The following PRPF6 variants were observed in gnomAD, a reference collection of about 807,000 sequenced individuals.
The protein encoded by PRPF6 is pre-mRNA processing factor 6.
Under a neutral mutation model 118.3 loss-of-function variants are expected in PRPF6, and 42 were observed. That is an observed-to-expected ratio of 0.35 (90% CI 0.28 to 0.46). The LOEUF is 0.46. Among genes scored for constraint, PRPF6 ranks in the 20% least tolerant of loss-of-function variants. The probability of loss-of-function intolerance (pLI) is 1.00; values close to 1 mark genes in which losing one functional copy is unlikely to be tolerated. For missense variants in PRPF6, 662 were observed against 1,255.7 expected (o/e 0.53, Z 7.15); for synonymous variants, 481 against 485.1 (o/e 0.99, Z 0.11).
intron 9 of PRPF6, among the ~76,000 whole-genome samples, chr20:64,001,864 A>G (rs1212199558): frequency 6.6e-6 from 1 of 152,148 alleles, no homozygotes; most frequent in Admixed American, 6.5e-5. Flanking sequence ...CTGTGGATTC[A>G]TAAAAGGAGC....
chr20:63,992,724 T>A (rs1421317242), intron 3 of PRPF6, among the ~76,000 whole-genome samples: 1 of 151,986 alleles, frequency 6.6e-6, no homozygotes, highest in Non-Finnish European at 1.5e-5. Flanking sequence ...TTAGTAGACT[T>A]ACGAATGTAT....
chr20:63,985,175 G>T, intron 3 of PRPF6, 150 bp downstream of exon 3: 2 of 619,164 alleles, frequency 3.2e-6, no homozygotes, highest in Admixed American at 2.4e-5. Flanking sequence ...ACCAGTGTGG[G>T]CAACGTAGGG....
rs368284719 is a variant in PRPF6, at chr20:64,024,923, C to T, written c.1908+230C>T. Among the ~76,000 whole-genome samples the T allele has an allele frequency of 2.5e-4, 38 of 152,172 alleles. No individual in the cohort carries two copies. The South Asian group carries it at 6.6e-3, about 27-fold the overall frequency. On this transcript the variant is annotated intron_variant, in intron 14 of 20. Coordinates refer to ENST00000266079, the MANE Select transcript of PRPF6 (RefSeq NM_012469.4). ...TCGGTCCCCCCACTCAGTGTGACCA[C>T]GGGTAAATGTTTCAGAACATGGAAC...
rs996695934 is a variant in PRPF6, at chr20:64,029,806, G to A, written c.2546+315G>A. 6.8e-5 allele frequency among the ~76,000 whole-genome samples: 10 copies of A among 146,052 alleles called. No individual in the cohort carries two copies. Among genetic ancestry groups the A allele is most frequent in the African/African-American group, 2.2e-4 (9 of 40,652 alleles). ...CTGGCCGCCAGGTCAGAGACTCACCGGGGACGCATGTGATTCACACTGGTG... is the reference window on the plus strand; with the variant it reads ...CTGGCCGCCAGGTCAGAGACTCACCAGGGACGCATGTGATTCACACTGGTG... On this transcript the variant is annotated intron_variant, in intron 19 of 20. Transcript: ENST00000266079. This position sits in a 1 kb window ranked among gnomAD's most constrained non-coding sequence, Gnocchi z 4.8.
chr20:64,027,868 C>A lies in PRPF6; in HGVS notation c.2339+132C>A. 1 of 1,333,514 alleles carries A rather than the reference C, an allele frequency of 7.5e-7. No homozygotes were observed. The highest frequency in any genetic ancestry group is 1.1e-6 in the Non-Finnish European group (1 of 933,486). The allele number at this position is 1,333,514 out of a possible 1,614,324, so 82.6% of individuals were successfully genotyped here. ...TCAGGGGCTTGGGGGGCGGTAGGTG[C>A]TGGCCATGAAAAATCACGGTCCCTG... On this transcript the variant is annotated intron_variant, in intron 17 of 20. Coordinates refer to ENST00000266079, the MANE Select transcript of PRPF6 (RefSeq NM_012469.4). The surrounding 1 kb of genome is among the most constrained non-coding windows in gnomAD (Gnocchi z 6.5).
chr20:64,015,671 AT>A (rs1377700334), intron 11 of PRPF6, among the ~76,000 whole-genome samples: 2 of 152,184 alleles, frequency 1.3e-5, no homozygotes, highest in East Asian at 1.9e-4. Flanking sequence ...TGCCTGTTTT[AT>A]TTTGATAGAG....
chr20:63,986,488 T>A (rs561317541), intron 3 of PRPF6, among the ~76,000 whole-genome samples: 21 of 150,396 alleles, frequency 1.4e-4, no homozygotes, highest in Non-Finnish European at 2.2e-4. Flanking sequence ...AACCATATGA[T>A]CTTTTTTTTT....
At chr20:63,991,784 C>G (rs1390394283) in intron 3 of PRPF6, among the ~76,000 whole-genome samples, 1 of 149,654 alleles carries the variant, frequency 6.7e-6, no homozygotes, top group Non-Finnish European at 1.5e-5. Context: ...GTGAGACTGT[C>G]TCAAAGAAAA....
intron 20 of PRPF6, among the ~76,000 whole-genome samples, 188 bp downstream of exon 20, chr20:64,032,232 C>G (rs1025917770): frequency 6.6e-6 from 1 of 152,220 alleles, no homozygotes; most frequent in South Asian, 2.1e-4. Context: ...CCTCCACATC[C>G]GTTTTCTGGT....
intron 12 of PRPF6, among the ~76,000 whole-genome samples, chr20:64,017,511 AGAGTGCTGGGATCACAGGCGTGAGCCG>A: frequency 1.3e-5 from 2 of 150,342 alleles, no homozygotes; most frequent in Non-Finnish European, 3.0e-5. Context: ...CCGGCCTCCC[AGAGTGCTGGGATCACAGGCGTGAGCCG>A]CCGCGCCCGG....
chr20:64,005,248 C>T (rs1255771380), intron 9 of PRPF6, among the ~76,000 whole-genome samples: 1 of 152,142 alleles, frequency 6.6e-6, no homozygotes, highest in Non-Finnish European at 1.5e-5. Context: ...TATGTCAGCT[C>T]TCTCCCAAAA....
intron 11 of PRPF6, among the ~76,000 whole-genome samples, chr20:64,016,449 A>G (rs2059238945): frequency 6.6e-6 from 1 of 152,176 alleles, no homozygotes; most frequent in Non-Finnish European, 1.5e-5. Context: ...AAAAAAATAA[A>G]ATAAAAAGGC....
Position 64,029,397 on chromosome 20 carries a change from A to G in PRPF6, c.2452A>G (p.Ile818Val). 2 of 1,614,172 alleles carry G rather than the reference A, an allele frequency of 1.2e-6. No individual in the cohort carries two copies. The highest frequency in any genetic ancestry group is 1.7e-6 in the Non-Finnish European group (2 of 1,180,018). ...TATAGGTATCCTGTGGTCTGAGGCCATCTTCCTCGAGGCAAGGCCCCAGAG... is the reference window on the plus strand; with the variant it reads ...TATAGGTATCCTGTGGTCTGAGGCCGTCTTCCTCGAGGCAAGGCCCCAGAG... ...PNSGILWSEA[I>V]FLEARPQRRT... The change falls in exon 19 of 21, where the codon ATC becomes GTC. Residue 818 changes from isoleucine (I) to valine (V), a missense_variant. By Grantham distance (29) the Ile-to-Val change is conservative. Coordinates refer to ENST00000266079, the MANE Select transcript of PRPF6 (RefSeq NM_012469.4). The surrounding 1 kb of genome is among the most constrained non-coding windows in gnomAD (Gnocchi z 4.8).
In PRPF6 at chr20:64,001,246, C is replaced by T; in HGVS notation, c.1186+7C>T. On this transcript the variant is annotated splice_region_variant and intron_variant, in intron 9 of 20. Coordinates refer to ENST00000266079, the MANE Select transcript of PRPF6 (RefSeq NM_012469.4). ...AAGCGGGTTCTTCGGAAAGGTGAGCCTCCCTCGGAGGTGCTGCTTTCTCCC... is the reference window on the plus strand; with the variant it reads ...AAGCGGGTTCTTCGGAAAGGTGAGCTTCCCTCGGAGGTGCTGCTTTCTCCC... The T allele has an allele frequency of 3.7e-6, 6 of 1,614,218 alleles. No individual in the cohort carries two copies. The highest frequency in any genetic ancestry group is 5.1e-6 in the Non-Finnish European group (6 of 1,180,022).
intron 6 of PRPF6, 28 bp downstream of exon 6, chr20:63,995,510 T>C (rs1354383776): frequency 6.2e-7 from 1 of 1,613,598 alleles, no homozygotes; most frequent in Non-Finnish European, 8.5e-7. Context: ...CATTTTCCTG[T>C]GGACAGGTTT....
chr20:64,021,698 G>A (rs1331738999), intron 12 of PRPF6, among the ~76,000 whole-genome samples: 8 of 147,906 alleles, frequency 5.4e-5, no homozygotes, highest in Admixed American at 1.3e-4. Flanking sequence ...GTGTGTGCAC[G>A]TATGCATATG....
chr20:64,028,894 C>T lies in PRPF6; in HGVS notation c.2431+325C>T, dbSNP rs2059302975. On this transcript the variant is annotated intron_variant, in intron 18 of 20. Transcript: ENST00000266079. This position sits in a 1 kb window ranked among gnomAD's most constrained non-coding sequence, Gnocchi z 6.5. ...AAAAGAAATTGGCCAGGTGTGGTGG[C>T]TCATGCCTGTAATCTCAGCACTTTG... Among the ~76,000 whole-genome samples, 1 of 152,136 alleles carries T rather than the reference C, an allele frequency of 6.6e-6. No individual in the cohort carries two copies. The highest frequency in any genetic ancestry group is 6.5e-5 in the Admixed American group (1 of 15,274).
At chr20:64,019,398 A>T (rs1430724145) in intron 12 of PRPF6, among the ~76,000 whole-genome samples, 1 of 151,852 alleles carries the variant, frequency 6.6e-6, no homozygotes, top group East Asian at 1.9e-4. Context: ...TTTTTCTCTT[A>T]TTATTTTGTC....
intron 3 of PRPF6, among the ~76,000 whole-genome samples, chr20:63,985,576 T>C (rs149999593): frequency 6.6e-6 from 1 of 152,318 alleles, no homozygotes; most frequent in Non-Finnish European, 1.5e-5. Context: ...TGTGGATTAC[T>C]TTTACGATAC....
Sources: allele counts gnomAD v4.1 joint callset (sites outside exome capture counted in the v4.1 genomes callset), GRCh38; gene constraint gnomAD v4.1.1; non-coding constraint Gnocchi (gnomAD v3.1); transcripts MANE v1.5; gene names NCBI Gene and HGNC (gene_info 2026-07-23, HGNC 2026-07-21).